UNC79: variants seen among roughly 807,000 people sequenced by gnomAD.
UNC79 encodes the protein unc-79 subunit of NALCN channel complex.
In UNC79, 37 loss-of-function variants were observed where a neutral mutation model predicts 283.1. The ratio of observed to expected loss-of-function variants is 0.13; its 90% CI spans 0.10 to 0.17. The LOEUF is 0.17. UNC79 is among the 10% of genes least tolerant of loss of function. The pLI is 1.00. For synonymous variants in UNC79, 1,107 were observed against 1,200.2 expected, an observed-to-expected ratio of 0.92 and a Z score of 1.61; for missense variants, 2,272 against 3,211.1, an observed-to-expected ratio of 0.71 and a Z score of 7.07.
In UNC79 at chr14:93,691,505, G is replaced by C. The variant is rs564492385; in HGVS notation, c.7273-244G>C. The C allele has an allele frequency of 6.6e-5, 38 of 575,512 alleles. 1 individual carries two copies. In the African/African-American group the frequency reaches 6.9e-4, roughly 10 times the overall value. The allele number at this position is 575,512 out of a possible 1,614,324, so 35.7% of individuals were successfully genotyped here. Reference sequence around the variant, plus strand: ...GCAAGGGGGTGGGTAGATTTCTTCAGCAAATTAAGGTGCCTTCTCTTAAAA... The same window carrying C: ...GCAAGGGGGTGGGTAGATTTCTTCACCAAATTAAGGTGCCTTCTCTTAAAA... On this transcript the variant is annotated intron_variant, in intron 45 of 48. Coordinates refer to ENST00000555664, the Ensembl canonical transcript of UNC79.
At chr14:93,389,752 A>G (rs1039085817) in intron 1 of UNC79, among the ~76,000 whole-genome samples, 12 of 152,008 alleles carry the variant, frequency 7.9e-5, no homozygotes, top group African/African-American at 2.4e-4. Context: ...CCTGGGTTCA[A>G]GCAATTTTCC....
At chr14:93,578,945 T>C (rs2141710480) in intron 18 of UNC79, among the ~76,000 whole-genome samples, 1 of 152,354 alleles carries the variant, frequency 6.6e-6, no homozygotes, top group Non-Finnish European at 1.5e-5. Flanking sequence ...TCAGTCTTTA[T>C]CTTTCATGTC....
intron 1 of UNC79, among the ~76,000 whole-genome samples, chr14:93,371,472 T>C (rs1460212892): frequency 6.6e-6 from 1 of 151,986 alleles, no homozygotes; most frequent in Non-Finnish European, 1.5e-5. Context: ...GCACACTGTT[T>C]TCAATGAAAA....
At chr14:93,540,684 T>A in exon 13 of UNC79, 1 of 1,613,520 alleles carries the variant, frequency 6.2e-7, no homozygotes, top group Non-Finnish European at 8.5e-7. Context: ...CCGAGTTCCA[T>A]GCTGAGCAGC....
At chr14:93,340,971 A>G (rs76140743) in intron 1 of UNC79, among the ~76,000 whole-genome samples, 2,992 of 152,240 alleles carry the variant, frequency 0.02, 91 homozygotes, top group African/African-American at 0.069. Flanking sequence ...TTTAACCTCC[A>G]TATCCACATT....
intron 1 of UNC79, among the ~76,000 whole-genome samples, chr14:93,390,924 AT>A (rs149825345): frequency 6.6e-6 from 1 of 152,072 alleles, no homozygotes; most frequent in African/African-American, 2.4e-5. Flanking sequence ...ACAAAATTCC[AT>A]TTTTTCTGTG....
chr14:93,423,426 C>G (rs2055653267), intron 1 of UNC79, among the ~76,000 whole-genome samples: 1 of 152,050 alleles, frequency 6.6e-6, no homozygotes, highest in South Asian at 2.1e-4. Flanking sequence ...GCAAAAGGAA[C>G]AAAACTGGAA....
At chr14:93,382,061 T>C (rs2054675556) in intron 1 of UNC79, among the ~76,000 whole-genome samples, 1 of 152,230 alleles carries the variant, frequency 6.6e-6, no homozygotes, top group Non-Finnish European at 1.5e-5. Flanking sequence ...TTCCCTGAAC[T>C]GGACATATTA....
At chr14:93,548,458 A>G (rs2061712977) in intron 14 of UNC79, among the ~76,000 whole-genome samples, 1 of 152,240 alleles carries the variant, frequency 6.6e-6, no homozygotes, top group Admixed American at 6.5e-5. Context: ...TTCAAAAGGT[A>G]AAGAAAAACC....
chr14:93,694,310 T>A, intron 46 of UNC79, 25 bp from the exon 50 acceptor site: 1 of 1,601,492 alleles, frequency 6.2e-7, no homozygotes, highest in Non-Finnish European at 8.6e-7. Flanking sequence ...GGAAATGGAA[T>A]TAACTTTCAT....
chr14:93,562,802 G>T (rs993698174), intron 14 of UNC79, among the ~76,000 whole-genome samples: 9 of 152,186 alleles, frequency 5.9e-5, no homozygotes, highest in African/African-American at 2.2e-4. Context: ...TACCCATCCA[G>T]TGAAAGTGTC....
intron 4 of UNC79, among the ~76,000 whole-genome samples, chr14:93,482,724 C>T (rs2058202966): frequency 6.6e-6 from 1 of 152,152 alleles, no homozygotes; most frequent in Non-Finnish European, 1.5e-5. Flanking sequence ...CACTTCTTAC[C>T]ACCAGCTTTC....
rs186900197 is a variant in UNC79, at chr14:93,683,704, C to G, written c.6819+1010C>G. Among the ~76,000 whole-genome samples, 328 of 152,176 alleles carry G rather than the reference C, an allele frequency of 2.2e-3. 4 individuals are homozygous for G. The highest frequency in any genetic ancestry group is 7.5e-3 in the African/African-American group (313 of 41,520). On this transcript the variant is annotated intron_variant, in intron 42 of 48. Coordinates refer to ENST00000555664, the Ensembl canonical transcript of UNC79. ...CAACAGAAAAGCAACATATAGGTCC[C>G]TTTCTGATGACCAATAAGCCATTAA...
At chr14:93,694,520 G>A (rs2074948636) in intron 47 of UNC79, 108 bp downstream of exon 50, 1 of 1,066,426 alleles carries the variant, frequency 9.4e-7, no homozygotes, top group African/African-American at 1.6e-5. Flanking sequence ...ATTCAGAGTT[G>A]GGGCTGGAGA....
intron 1 of UNC79, among the ~76,000 whole-genome samples, chr14:93,368,689 C>T (rs1350852278): frequency 6.6e-6 from 1 of 152,092 alleles, no homozygotes; most frequent in Non-Finnish European, 1.5e-5. Context: ...TCATGCTGGT[C>T]TCAAACTCCT....
intron 1 of UNC79, among the ~76,000 whole-genome samples, chr14:93,386,864 A>T (rs1303175427): frequency 6.7e-6 from 1 of 148,600 alleles, no homozygotes; most frequent in Non-Finnish European, 1.5e-5. Context: ...TTTTTAAAAA[A>T]CCAAGTTTTT....
chr14:93,500,895 G>A (rs137911756), intron 7 of UNC79, among the ~76,000 whole-genome samples: 1 of 152,276 alleles, frequency 6.6e-6, no homozygotes, highest in East Asian at 1.9e-4. Flanking sequence ...GTATTGAAAT[G>A]GCACTATAAC....
At chr14:93,665,421 A>G (rs996682620) in intron 40 of UNC79, among the ~76,000 whole-genome samples, 4 of 151,996 alleles carry the variant, frequency 2.6e-5, no homozygotes, top group Admixed American at 1.3e-4. Context: ...AGATGAATAT[A>G]AAGAGAAATT....
intron 27 of UNC79, among the ~76,000 whole-genome samples, chr14:93,615,665 G>T (rs1467219662): frequency 7.9e-6 from 1 of 125,834 alleles, no homozygotes; most frequent in East Asian, 2.6e-4. Context: ...GAGTTGCAGT[G>T]AGCCAAGATT....
Sources: allele counts gnomAD v4.1 joint callset (sites outside exome capture counted in the v4.1 genomes callset), GRCh38; gene constraint gnomAD v4.1.1; transcripts MANE v1.5; gene names NCBI Gene and HGNC (gene_info 2026-07-23, HGNC 2026-07-21).